Variants in PLCH2 observed in about 807,000 individuals in gnomAD.
PLCH2 encodes the protein 1-phosphatidylinositol 4,5-bisphosphate phosphodiesterase eta-2.
PLCH2 carries 98 observed loss-of-function variants against 134.7 expected under a neutral mutation model. That is an observed-to-expected ratio of 0.73 (90% CI 0.62 to 0.86). PLCH2 has a LOEUF of 0.86. Among genes scored for constraint, PLCH2 ranks in the 40% least tolerant of loss-of-function variants. The pLI, the probability that PLCH2 is intolerant of heterozygous loss-of-function variation, is 0.00. For missense variants in PLCH2, 1,994 were observed against 1,986.6 expected, an observed-to-expected ratio of 1.00 and a Z score of -0.07; for synonymous variants, 974 against 827.5, an observed-to-expected ratio of 1.18 and a Z score of -3.04.
chr1:2,492,368 G>A (rs1300576997), intron 11 of PLCH2: 2 of 152,294 alleles, frequency 1.3e-5, no homozygotes, highest in Admixed American at 1.3e-4. Context: ...TGTCTAGGTG[G>A]GGGAGAGTGG....
intron 2 of PLCH2, among the ~76,000 whole-genome samples, chr1:2,437,909 G>T (rs985121243): frequency 1.3e-5 from 2 of 152,164 alleles, no homozygotes; most frequent in East Asian, 1.9e-4. Context: ...TCCAGAACTC[G>T]CCTCTCACCG....
At chr1:2,494,271 G>C (rs181329546) in intron 11 of PLCH2, 1 of 160,342 alleles carries the variant, frequency 6.2e-6, no homozygotes, top group South Asian at 1.7e-4. Flanking sequence ...TGGGTTCGGC[G>C]GGGGGCAGGC....
upstream of PLCH2, among the ~76,000 whole-genome samples, chr1:2,464,280 G>A (rs373684381): frequency 6.6e-6 from 1 of 152,294 alleles, no homozygotes; most frequent in East Asian, 1.9e-4. Context: ...TGGTCTTCCC[G>A]ATGTGCATCT....
chr1:2,423,124 C>T (rs12097032), upstream of PLCH2, among the ~76,000 whole-genome samples: 20,143 of 152,114 alleles, frequency 0.13, 1,515 homozygotes, highest in Admixed American at 0.19. Flanking sequence ...ACAGATCCTG[C>T]AATTTGCTGT....
At chr1:2,428,301 C>T (rs1422709593) in intron 1 of PLCH2, among the ~76,000 whole-genome samples, 1 of 152,212 alleles carries the variant, frequency 6.6e-6, no homozygotes, top group Non-Finnish European at 1.5e-5. Flanking sequence ...AGCAGCAGGC[C>T]TCGCTGGGGA....
At chr1:2,489,656 G>T in intron 9 of PLCH2, 104 bp from the exon 10 acceptor site, 1 of 938,350 alleles carries the variant, frequency 1.1e-6, no homozygotes, top group South Asian at 1.5e-5. Context: ...AACTGAGCTT[G>T]AGAAAAGGCC....
At chr1:2,503,100 G>A (rs1171378262) in intron 21 of PLCH2, 14 of 692,998 alleles carry the variant, frequency 2.0e-5, no homozygotes, top group Non-Finnish European at 2.9e-5. Flanking sequence ...CAGCCCTCCT[G>A]TCTGAGCTTG....
rs1432894665 is a variant in PLCH2, at chr1:2,502,310, A to G, written c.2860A>G (p.Thr954Ala). Residue 954 changes from threonine (T) to alanine (A), a missense_variant, in exon 21 of 22, where the codon ACA becomes GCA. Physicochemically the swap from Thr to Ala is moderately conservative, Grantham distance 58 (BLOSUM62 0). Transcript: ENST00000378486. ...GGAGCTGGTCCTGGGTACACGGGAC[A>G]CAGGCTCCAAGGGGGTGGCAGACGA... ...FPELVLGTRD[T>A]GSKGVADDVV... The G allele has an allele frequency of 1.3e-6, 2 of 1,535,878 alleles. No individual in the cohort carries two copies. The highest frequency in any genetic ancestry group is 1.8e-6 in the Non-Finnish European group (2 of 1,141,722).
intron 2 of PLCH2, among the ~76,000 whole-genome samples, chr1:2,432,935 G>A (rs1219884663): frequency 1.3e-5 from 2 of 152,148 alleles, no homozygotes; most frequent in African/African-American, 4.8e-5. Flanking sequence ...GTGCACACAC[G>A]GGCTGGGTGG....
At position 2,495,374 on chromosome 1, in the gene PLCH2, G is replaced by C. The variant is rs191049391; in HGVS notation, c.1753-114G>C. The C allele has an allele frequency of 2.9e-4, 229 of 802,382 alleles. No homozygotes were observed. The East Asian group carries it at 5.0e-3, about 18-fold the overall frequency. The allele number at this position is 802,382 out of a possible 1,614,324, so 49.7% of individuals were successfully genotyped here. On this transcript the variant is annotated intron_variant, in intron 12 of 21. Coordinates refer to ENST00000378486, the MANE Select transcript of PLCH2 (RefSeq NM_014638.4). Reference sequence around the variant, plus strand: ...CAGCCAGGCGGGATGGACATGGGAGGCTGCGTGGGCCGCTGGGGACCCCGG... The same window carrying C: ...CAGCCAGGCGGGATGGACATGGGAGCCTGCGTGGGCCGCTGGGGACCCCGG...
chr1:2,447,895 C>G (rs976014511), intron 2 of PLCH2, among the ~76,000 whole-genome samples: 1 of 152,190 alleles, frequency 6.6e-6, no homozygotes, highest in Non-Finnish European at 1.5e-5. Flanking sequence ...GAGGTCTTTC[C>G]GTCCCTCCCT....
intron 2 of PLCH2, among the ~76,000 whole-genome samples, chr1:2,440,896 C>T (rs1465309594): frequency 2.0e-5 from 3 of 152,316 alleles, no homozygotes; most frequent in Admixed American, 6.5e-5. Context: ...CCCCCGGGAA[C>T]GGAAGGCTGT....
In PLCH2 at chr1:2,491,021, C is replaced by T. The variant is rs575760823; in HGVS notation, c.1516-171C>T. Among the ~76,000 whole-genome samples, 78 of 152,344 alleles carry T rather than the reference C, an allele frequency of 5.1e-4. No individual in the cohort carries two copies. In the South Asian group the frequency reaches 6.8e-3, roughly 13 times the overall value. On this transcript the variant is annotated intron_variant, in intron 10 of 21. Coordinates refer to ENST00000378486, the MANE Select transcript of PLCH2 (RefSeq NM_014638.4). ...GGCAGACTCGTGCTGCTGGAGGAGT[C>T]GGGTGGGCCTGGGTTCCCGTCCTGC...
At chr1:2,499,330 T>G in intron 19 of PLCH2, 100 bp downstream of exon 19, 1 of 1,366,032 alleles carries the variant, frequency 7.3e-7, no homozygotes, top group Non-Finnish European at 1.0e-6. Context: ...TAGGTGGGCC[T>G]GCACCTGGCA....
At position 2,480,210 on chromosome 1, in the gene PLCH2, C is replaced by T. The variant is rs368695049; in HGVS notation, c.543C>T (p.Ala181=). The T allele has an allele frequency of 3.3e-5, 53 of 1,612,846 alleles. No homozygotes were observed. In the African/African-American group the frequency reaches 3.5e-4, roughly 11 times the overall value. The stretch of plus-strand genomic sequence containing the variant: ...GGCTGAAGCAGACGTTTGACGAGGC[C>T]GACAAGAACGGGGATGGCAGCCTGA... ...DQWLKQTFDE[A]DKNGDGSLSI... The change falls in exon 4 of 22, where the codon GCC becomes GCT. Residue 181 remains alanine, a synonymous_variant. Coordinates refer to ENST00000378486, the MANE Select transcript of PLCH2 (RefSeq NM_014638.4).
chr1:2,431,514 G>A (rs1164454004), intron 2 of PLCH2, among the ~76,000 whole-genome samples: 1 of 152,192 alleles, frequency 6.6e-6, no homozygotes, highest in Non-Finnish European at 1.5e-5. Context: ...AGCGCTGTCT[G>A]GAATGGACAC....
chr1:2,504,241 G>T lies in PLCH2; in HGVS notation c.3279G>T (p.Arg1093Ser). The T allele has an allele frequency of 6.3e-7, 1 of 1,582,782 alleles. No individual in the cohort carries two copies. Among genetic ancestry groups the T allele is most frequent in the Non-Finnish European group, 8.6e-7 (1 of 1,165,970 alleles). The change falls in exon 22 of 22, where the codon AGG becomes AGT. Residue 1093 changes from arginine to serine, a missense_variant. This residue lies in a region of PLCH2 where 900 missense variants were observed against 752.3 expected (regional missense o/e 1.20). Coordinates refer to ENST00000378486, the MANE Select transcript of PLCH2 (RefSeq NM_014638.4). ...TGGGCCACCTGCCCGTGATTAGAAG[G>T]GTGAAGAGTGAGGGGCAGGTGCCCA... ...RTLGHLPVIR[R>S]VKSEGQVPTE...
chr1:2,438,466 A>G (rs1252824063), intron 2 of PLCH2, among the ~76,000 whole-genome samples: 1 of 152,054 alleles, frequency 6.6e-6, no homozygotes, highest in Non-Finnish European at 1.5e-5. Context: ...ACTGTCTCCC[A>G]TGCCCCTGCC....
chr1:2,482,973 C>T (rs138900691), intron 4 of PLCH2, among the ~76,000 whole-genome samples: 193 of 152,306 alleles, frequency 1.3e-3, no homozygotes, highest in African/African-American at 4.5e-3. Flanking sequence ...CTCTGGGCTC[C>T]TCGCAGGCCC....
Sources: allele counts gnomAD v4.1 joint callset (sites outside exome capture counted in the v4.1 genomes callset), GRCh38; gene constraint gnomAD v4.1.1; regional missense constraint gnomAD v4.1.1; transcripts MANE v1.5; gene names NCBI Gene and HGNC (gene_info 2026-07-23, HGNC 2026-07-21).